Variants in FBXO38 observed in about 807,000 individuals in gnomAD.
FBXO38 encodes F-box protein 38, also known as F-box only protein 38.
Under a neutral mutation model 131.9 loss-of-function variants are expected in FBXO38, and 53 were observed. That is an observed-to-expected ratio of 0.40 (90% confidence interval 0.32 to 0.51). FBXO38 has a LOEUF of 0.51. Among genes scored for constraint, FBXO38 ranks in the 20% least tolerant of loss-of-function variants. FBXO38 has a pLI of 0.53. For missense variants in FBXO38, 1,076 were observed against 1,475.6 expected (o/e 0.73, Z 4.44); for synonymous variants, 452 against 505.6 (o/e 0.89, Z 1.42).
At chr5:148,403,830 T>G (rs1429442302) in intron 5 of FBXO38, among the ~76,000 whole-genome samples, 1 of 152,234 alleles carries the variant, frequency 6.6e-6, no homozygotes, top group Non-Finnish European at 1.5e-5. Flanking sequence ...ATTTAAAAAT[T>G]GCATTAAACA....
intron 1 of FBXO38, chr5:148,384,614 CT>C: frequency 6.6e-6 from 1 of 152,220 alleles, no homozygotes; most frequent in South Asian, 2.1e-4. Flanking sequence ...TGTTGGATGC[CT>C]TTGATGTCCG....
intron 12 of FBXO38, 187 bp from the exon 13 acceptor site, chr5:148,423,811 G>C: frequency 2.1e-6 from 1 of 481,968 alleles, no homozygotes; most frequent in Non-Finnish European, 3.7e-6. Flanking sequence ...TTTCTCTCCT[G>C]TAGACTGATT....
At chr5:148,428,078 T>A (rs1389328761) in intron 15 of FBXO38, 131 bp downstream of exon 15, 8 of 1,024,544 alleles carry the variant, frequency 7.8e-6, no homozygotes, top group Non-Finnish European at 9.3e-6. Context: ...GTGGGTCATG[T>A]GAATTTTGAA....
chr5:148,407,785 C>G (rs770311190), intron 7 of FBXO38, among the ~76,000 whole-genome samples: 1 of 151,888 alleles, frequency 6.6e-6, no homozygotes, highest in Non-Finnish European at 1.5e-5. Context: ...ATTAGCCCGT[C>G]GTGGTGGCGG....
chr5:148,403,578 C>G (rs1170468333), intron 5 of FBXO38, among the ~76,000 whole-genome samples: 1 of 152,136 alleles, frequency 6.6e-6, no homozygotes, highest in African/African-American at 2.4e-5. Context: ...TACCTCACTT[C>G]TGCTTTTTGT....
rs199972552 is a variant in FBXO38, at chr5:148,414,210, A to T, written c.1168A>T (p.Ile390Leu). 1 of 1,611,992 alleles carries T rather than the reference A, an allele frequency of 6.2e-7. No homozygotes were observed. Among genetic ancestry groups the T allele is most frequent in the East Asian group, 2.2e-5 (1 of 44,806 alleles). Reference sequence around the variant, plus strand: ...AGAAAATCCTGGTATCATCACTGATATAGGGATGAAAGCAGTCAATGAAGT... The same window carrying T: ...AGAAAATCCTGGTATCATCACTGATTTAGGGATGAAAGCAGTCAATGAAGT... ...VVENPGIITD[I>L]GMKAVNEVFS... Residue 390 changes from isoleucine (I) to leucine (L), a missense_variant, in exon 10 of 22, where the codon ATA becomes TTA. Transcript: ENST00000340253.
intron 21 of FBXO38, 153 bp downstream of exon 21, chr5:148,441,390 A>C: frequency 3.3e-6 from 2 of 609,580 alleles, no homozygotes; most frequent in Non-Finnish European, 5.7e-6. Context: ...ACAGTTCTTT[A>C]TTTGTGCAGT....
chr5:148,403,274 G>T (rs1331899225), intron 5 of FBXO38, among the ~76,000 whole-genome samples: 1 of 152,092 alleles, frequency 6.6e-6, no homozygotes, highest in African/African-American at 2.4e-5. Context: ...TTATTAAAAT[G>T]CATTAATTTA....
chr5:148,427,232 T>G lies in FBXO38; in HGVS notation c.1938T>G (p.Thr646=). 1 of 1,599,844 alleles carries G rather than the reference T, an allele frequency of 6.3e-7. No individual in the cohort carries two copies. Among genetic ancestry groups the G allele is most frequent in the Non-Finnish European group, 8.5e-7 (1 of 1,172,804 alleles). Reference sequence around the variant, plus strand: ...AAGCAGTAAGTGGAAAAGGCAAGACTCCACTTCGAAAGAGGTACAACTCCC... The same window carrying G: ...AAGCAGTAAGTGGAAAAGGCAAGACGCCACTTCGAAAGAGGTACAACTCCC... ...RELSVSGKGK[T]PLRKRYNSHQ... The change falls in exon 15 of 22, where the codon ACT becomes ACG. Residue 646 remains threonine, a synonymous_variant. Transcript: ENST00000340253.
At chr5:148,411,337 A>C (rs1752739650) in intron 9 of FBXO38, among the ~76,000 whole-genome samples, 2 of 152,194 alleles carry the variant, frequency 1.3e-5, no homozygotes, top group African/African-American at 4.8e-5. Context: ...GTTTGAATGC[A>C]TGTCAATTCA....
chr5:148,422,113 A>T (rs546548483), intron 12 of FBXO38, among the ~76,000 whole-genome samples: 2 of 152,160 alleles, frequency 1.3e-5, no homozygotes, highest in East Asian at 3.9e-4. Flanking sequence ...GCCCAGCTAA[A>T]ATTAGTTCTT....
rs60593654 is a variant in FBXO38, at chr5:148,393,188, GGTGTGTGTGTGT to G, written c.-63-1490_-63-1479del. The stretch of plus-strand genomic sequence containing the variant: ...TACTGGTTAGAAACAACAGAAGAGG[GGTGTGTGTGTGT>G]GTGTGTGTGTGTGTGTGTGTGTGTG... On this transcript the variant is annotated intron_variant, in intron 1 of 21. Coordinates refer to ENST00000340253, the MANE Select transcript of FBXO38 (RefSeq NM_205836.3). Among the ~76,000 whole-genome samples, 1,148 of 127,078 alleles carry G rather than the reference GGTGTGTGTGTGT, an allele frequency of 9.0e-3. 16 individuals carry two copies. The highest frequency in any genetic ancestry group is 0.032 in the African/African-American group (1,052 of 32,836). 83.4% of individuals were successfully genotyped at this position (127,078 alleles called of 152,430 possible).
intron 12 of FBXO38, among the ~76,000 whole-genome samples, chr5:148,418,515 A>G (rs112013052): frequency 7.2e-5 from 11 of 152,290 alleles, no homozygotes; most frequent in African/African-American, 2.6e-4. Context: ...TCTTTCCCCA[A>G]CCAGTCTCCC....
chr5:148,442,730 G>C lies in FBXO38; in HGVS notation c.*583G>C, dbSNP rs1754763751. The stretch of plus-strand genomic sequence containing the variant: ...TATGAGCTTAAAAAAAAGTGAGTTT[G>C]AGAGGGAAATGGAAAAGTTTCCAGA... On this transcript the variant is annotated 3_prime_UTR_variant, in exon 22 of 22. Coordinates refer to ENST00000340253, the MANE Select transcript of FBXO38 (RefSeq NM_205836.3). 1 of 152,162 alleles carries C rather than the reference G, an allele frequency of 6.6e-6. No homozygotes were observed. Among genetic ancestry groups the C allele is most frequent in the South Asian group, 2.1e-4 (1 of 4,832 alleles). 9.4% of individuals were successfully genotyped at this position (152,162 alleles called of 1,614,324 possible).
intron 18 of FBXO38, among the ~76,000 whole-genome samples, chr5:148,439,142 A>C (rs1380297369): frequency 2.6e-5 from 4 of 152,316 alleles, no homozygotes; most frequent in African/African-American, 9.6e-5. Flanking sequence ...GGAGACAAAC[A>C]CTTATGCCAC....
intron 15 of FBXO38, among the ~76,000 whole-genome samples, chr5:148,428,501 A>T (rs528251316): frequency 6.6e-6 from 1 of 152,342 alleles, no homozygotes; most frequent in Admixed American, 6.5e-5. Context: ...TACTCAAAAC[A>T]TATATGTGTA....
chr5:148,410,348 G>A (rs1752679670), intron 8 of FBXO38: 1 of 383,718 alleles, frequency 2.6e-6, no homozygotes, highest in East Asian at 6.2e-5. Context: ...TTTAAAAATG[G>A]GAGTGTCCCT....
At chr5:148,396,728 A>C (rs950875696) in intron 2 of FBXO38, among the ~76,000 whole-genome samples, 1 of 152,112 alleles carries the variant, frequency 6.6e-6, no homozygotes, top group African/African-American at 2.4e-5. Context: ...CCTGGGCTTA[A>C]GCAATCCTTT....
At chr5:148,390,428 C>T (rs1758141130) in intron 1 of FBXO38, among the ~76,000 whole-genome samples, 1 of 152,108 alleles carries the variant, frequency 6.6e-6, no homozygotes, top group South Asian at 2.1e-4. Flanking sequence ...AGTTCCTTCC[C>T]CACGATAGGC....
Sources: allele counts gnomAD v4.1 joint callset (sites outside exome capture counted in the v4.1 genomes callset), GRCh38; gene constraint gnomAD v4.1.1; transcripts MANE v1.5; gene names NCBI Gene and HGNC (gene_info 2026-07-23, HGNC 2026-07-21).